C11orf54: variants seen among roughly 807,000 people sequenced by gnomAD.
The protein encoded by C11orf54 is beta-keto-L-gulonate decarboxylase, also known as beta-keto L-gulonate decarboxylase.
C11orf54 carries 29 observed loss-of-function variants against 35.5 expected under a neutral mutation model. That is an observed-to-expected ratio of 0.82 (90% confidence interval 0.61 to 1.11). C11orf54 has a LOEUF of 1.11. Ranked by LOEUF, C11orf54 falls within the 50% of genes most tolerant of loss-of-function variation. The pLI is 0.00. For missense variants in C11orf54, 373 were observed against 369.2 expected (o/e 1.01, Z -0.08); for synonymous variants, 108 against 121.1 (o/e 0.89, Z 0.71).
rs971958135 is a variant in C11orf54 at position 93,763,618 on chromosome 11, T to C, written c.*1930T>C. On this transcript the variant is annotated 3_prime_UTR_variant, in exon 9 of 9. Coordinates refer to ENST00000354421, the MANE Select transcript of C11orf54 (RefSeq NM_001286069.2). ...AAAAAATTTTTTAATTATCTGGGCA[T>C]GGTTGTGCACACCTGTTGTCCCAGC... 5 of 152,126 alleles carry C rather than the reference T, an allele frequency of 3.3e-5. No homozygotes were observed. The highest frequency in any genetic ancestry group is 1.2e-4 in the African/African-American group (5 of 41,408). 9.4% of individuals were successfully genotyped at this position (152,126 alleles called of 1,614,324 possible). A position where few individuals can be genotyped will look rare whatever the true frequency, so the allele number is the denominator to read the frequency against.
rs150501036 is a variant in C11orf54 at position 93,749,100 on chromosome 11, C to T, written c.56-1246C>T. Among the ~76,000 whole-genome samples, 281 of 148,650 alleles carry T rather than the reference C, an allele frequency of 1.9e-3. 9 individuals are homozygous for T. In the East Asian group the frequency reaches 0.051, roughly 27 times the overall value. On this transcript the variant is annotated intron_variant, in intron 2 of 8. Coordinates refer to ENST00000354421, the MANE Select transcript of C11orf54 (RefSeq NM_001286069.2). ...CAGAGGTTGCAGTAAGCCGAGATTGCGCCATTGTACTCCAGCCTGGGTGAC... is the reference window on the plus strand; with the variant it reads ...CAGAGGTTGCAGTAAGCCGAGATTGTGCCATTGTACTCCAGCCTGGGTGAC...
intron 1 of C11orf54, among the ~76,000 whole-genome samples, chr11:93,744,932 G>T (rs141338523): frequency 0.023 from 3,463 of 152,084 alleles, 127 homozygotes; most frequent in African/African-American, 0.076. Context: ...ATGGTGGGGA[G>T]AAGGTCAGCA....
Position 93,747,418 on chromosome 11 carries a change from C to T in C11orf54, c.25C>T (p.His9Tyr). 1 of 1,600,584 alleles carries T rather than the reference C, an allele frequency of 6.2e-7. No homozygotes were observed. Among genetic ancestry groups the T allele is most frequent in the Non-Finnish European group, 8.5e-7 (1 of 1,174,780 alleles). The part of the protein sequence containing the change: MACAEFSF[H>Y]VPSLEELAGV... ...AATGGCTTGTGCTGAGTTTTCTTTT[C>T]ATGTACCAAGTCTTGAAGAGCTTGC... The change falls in exon 2 of 9, where the codon CAT becomes TAT. Residue 9 changes from histidine to tyrosine, a missense_variant. His to Tyr is a moderately conservative substitution (Grantham distance 83). Transcript: ENST00000354421.
intron 6 of C11orf54, among the ~76,000 whole-genome samples, chr11:93,756,167 C>CAA (rs1210508995): frequency 0.21 from 5,614 of 26,318 alleles, 201 homozygotes; most frequent in East Asian, 0.37. Context: ...ACTCTGTCTC[C>CAA]AAAAAAAAAA....
chr11:93,759,280 TGTG>T (rs1200534803), intron 7 of C11orf54, among the ~76,000 whole-genome samples: 2 of 152,098 alleles, frequency 1.3e-5, no homozygotes, highest in African/African-American at 2.4e-5. Flanking sequence ...ATTAAGAAAA[TGTG>T]GTACATATAC....
At position 93,747,317 on chromosome 11, in the gene C11orf54, G is replaced by T; in HGVS notation, c.-77G>T. ...TCCAGAACAGAAACTGTTCATACTT[G>T]GTGCGCTGTGGACTCTTGTGATAAT... is the stretch of plus-strand genomic sequence containing the variant. On this transcript the variant is annotated 5_prime_UTR_variant, in exon 2 of 9. Transcript: ENST00000354421. 2 of 1,100,374 alleles carry T rather than the reference G, an allele frequency of 1.8e-6. No homozygotes were observed. The highest frequency in any genetic ancestry group is 2.6e-6 in the Non-Finnish European group (2 of 765,932). The allele number at this position is 1,100,374 out of a possible 1,614,324, so 68.2% of individuals were successfully genotyped here. A position where few individuals can be genotyped will look rare whatever the true frequency, so the allele number is the denominator to read the frequency against.
chr11:93,748,162 A>G (rs1436260918), intron 2 of C11orf54, among the ~76,000 whole-genome samples: 2 of 150,364 alleles, frequency 1.3e-5, no homozygotes, highest in Non-Finnish European at 3.0e-5. Flanking sequence ...AAATAGACTC[A>G]TTTTTGCTTT....
At chr11:93,743,411 C>A (rs1305931505) in intron 1 of C11orf54, among the ~76,000 whole-genome samples, 2 of 152,236 alleles carry the variant, frequency 1.3e-5, no homozygotes, top group African/African-American at 2.4e-5. Context: ...GGTCTTGCGG[C>A]TGCGGTGCCT....
intron 1 of C11orf54, among the ~76,000 whole-genome samples, chr11:93,743,444 C>T (rs1252848391): frequency 6.6e-6 from 1 of 152,220 alleles, no homozygotes; most frequent in Non-Finnish European, 1.5e-5. Context: ...CCACGGCTCT[C>T]AACTCCTCGC....
chr11:93,750,457 T>C lies in C11orf54; in HGVS notation c.154+13T>C, dbSNP rs368996926. On this transcript the variant is annotated intron_variant, in intron 3 of 8. Coordinates refer to ENST00000354421, the MANE Select transcript of C11orf54 (RefSeq NM_001286069.2). ...TTTCCTGTAAAAGGTAAGCAATTTT[T>C]GCAATTAGCTTTTGTTTTTTAGTCA... 206 of 1,583,406 alleles carry C rather than the reference T, an allele frequency of 1.3e-4. 2 individuals carry two copies. The African/African-American group carries it at 2.3e-3, about 18-fold the overall frequency.
In C11orf54 at chr11:93,757,298, TC is replaced by T. The variant is rs1354025873; in HGVS notation, c.508-17del. 2 of 1,592,358 alleles carry T rather than the reference TC, an allele frequency of 1.3e-6. No homozygotes were observed. The highest frequency in any genetic ancestry group is 2.7e-5 in the African/African-American group (2 of 74,494). ...TTTGCAGCATAGTCAATGGTATGCATCTTTATGTCCTCTATAGGTAATTGAG... is the reference window on the plus strand; with the variant it reads ...TTTGCAGCATAGTCAATGGTATGCATTTTATGTCCTCTATAGGTAATTGAG... On this transcript the variant is annotated splice_polypyrimidine_tract_variant and intron_variant, in intron 6 of 8. Transcript: ENST00000354421.
chr11:93,755,762 A>T (rs928881967), intron 6 of C11orf54, among the ~76,000 whole-genome samples: 1 of 151,674 alleles, frequency 6.6e-6, no homozygotes, highest in Non-Finnish European at 1.5e-5. Context: ...CAAAAAAAAA[A>T]AAAAAAAGAA....
intron 6 of C11orf54, among the ~76,000 whole-genome samples, chr11:93,756,591 C>T (rs1943170548): frequency 6.6e-6 from 1 of 151,668 alleles, no homozygotes; most frequent in Non-Finnish European, 1.5e-5. Flanking sequence ...TCTACATGAA[C>T]CATACAGCTA....
At chr11:93,755,667 C>T (rs1943096920) in intron 6 of C11orf54, among the ~76,000 whole-genome samples, 2 of 149,922 alleles carry the variant, frequency 1.3e-5, no homozygotes, top group Non-Finnish European at 3.0e-5. Flanking sequence ...GTGAGAGAAT[C>T]GCTCAGACTC....
intron 2 of C11orf54, among the ~76,000 whole-genome samples, chr11:93,749,034 C>T (rs1458407032): frequency 1.3e-5 from 2 of 150,982 alleles, no homozygotes; most frequent in Admixed American, 6.6e-5. Context: ...ACCCCAGCTA[C>T]TCGGGAGGCT....
At chr11:93,745,566 TTTTC>T (rs1165943448) in intron 1 of C11orf54, among the ~76,000 whole-genome samples, 1 of 152,158 alleles carries the variant, frequency 6.6e-6, no homozygotes, top group African/African-American at 2.4e-5. Context: ...GCAAAACAAT[TTTTC>T]TTTGTGCAGA....
At chr11:93,756,468 A>G (rs1943162907) in intron 6 of C11orf54, among the ~76,000 whole-genome samples, 1 of 147,952 alleles carries the variant, frequency 6.8e-6, no homozygotes, top group South Asian at 2.2e-4. Context: ...ACTCCTACCT[A>G]GGTGACAGCA....
chr11:93,761,296 T>TA (rs1454907254), intron 8 of C11orf54, among the ~76,000 whole-genome samples: 1 of 152,222 alleles, frequency 6.6e-6, no homozygotes, highest in Admixed American at 6.5e-5. Context: ...AGAAAATGCT[T>TA]ACACTGGTTA....
chr11:93,761,286 A>G (rs1287427424), intron 8 of C11orf54, among the ~76,000 whole-genome samples: 1 of 152,240 alleles, frequency 6.6e-6, no homozygotes, highest in South Asian at 2.1e-4. Context: ...AGGATATACA[A>G]GAAAATGCTT....
Sources: allele counts gnomAD v4.1 joint callset (sites outside exome capture counted in the v4.1 genomes callset), GRCh38; gene constraint gnomAD v4.1.1; transcripts MANE v1.5; gene names NCBI Gene and HGNC (gene_info 2026-07-23, HGNC 2026-07-21).